The following IDH1 variants were observed in gnomAD, a reference collection of about 807,000 sequenced individuals.
IDH1 encodes the protein isocitrate dehydrogenase [NADP] cytoplasmic.
A neutral mutation model predicts 46.1 loss-of-function variants in IDH1; 33 were observed. That is an observed-to-expected ratio of 0.72 (90% CI 0.54 to 0.96). IDH1 has a LOEUF of 0.96. IDH1 is among the 40% of genes least tolerant of loss of function. The pLI, the probability that IDH1 is intolerant of heterozygous loss-of-function variation, is 0.00. For synonymous variants in IDH1, 144 were observed against 172.8 expected (o/e 0.83, Z 1.31); for missense variants, 421 against 515.7 (o/e 0.82, Z 1.78).
intron 2 of IDH1, among the ~76,000 whole-genome samples, chr2:208,252,370 G>C (rs1398678217): frequency 6.6e-6 from 1 of 152,184 alleles, no homozygotes; most frequent in Admixed American, 6.5e-5. Flanking sequence ...GAGTGGGATA[G>C]GACAAACTGT....
At position 208,239,111 on chromosome 2, in the gene IDH1, T is replaced by C. The variant is rs2124847273; in HGVS notation, c.1114A>G (p.Met372Val). The C allele has an allele frequency of 6.2e-7, 1 of 1,614,040 alleles. No homozygotes were observed. ...ATGCAAGCAGCCAAGTCCTTGGTCATGAAGCCAGCCTCAATTGTCTCAATA... is the reference window on the plus strand; with the variant it reads ...ATGCAAGCAGCCAAGTCCTTGGTCACGAAGCCAGCCTCAATTGTCTCAATA... ...VSIETIEAGF[M>V]TKDLAACIKG... Residue 372 changes from methionine (M) to valine (V), a missense_variant, in exon 9 of 10, where the codon ATG (methionine) becomes GTG (valine). By Grantham distance (21) the Met-to-Val change is conservative (BLOSUM62 1). Coordinates refer to ENST00000345146, the MANE Select transcript of IDH1 (RefSeq NM_005896.4).
rs1228832554 is a variant in IDH1 at position 208,248,490 on chromosome 2, G to T, written c.293C>A (p.Thr98Asn). 3.1e-6 allele frequency: 5 copies of T among 1,613,966 alleles called. No homozygotes were observed. The highest frequency in any genetic ancestry group is 3.4e-6 in the Non-Finnish European group (4 of 1,180,000). Residue 98 changes from threonine to asparagine, a missense_variant, in exon 4 of 10, where the codon ACC becomes AAC. Physicochemically the swap from Thr to Asn is moderately conservative, Grantham distance 65. Coordinates refer to ENST00000345146, the MANE Select transcript of IDH1 (RefSeq NM_005896.4). Reference protein sequence around the residue: ...LKQMWKSPNGTIRNILGGTVF... With the variant: ...LKQMWKSPNGNIRNILGGTVF... ...CGTGCCACCCAGAATATTTCGTATGGTGCCATTTGGTGATTTCCACATTTG... is the reference window on the plus strand; with the variant it reads ...CGTGCCACCCAGAATATTTCGTATGTTGCCATTTGGTGATTTCCACATTTG...
At chr2:208,240,627 G>A (rs1433612656) in intron 7 of IDH1, among the ~76,000 whole-genome samples, 3 of 151,968 alleles carry the variant, frequency 2.0e-5, no homozygotes, top group Non-Finnish European at 2.9e-5. Context: ...GCCCTTCCTC[G>A]CTCTCTTTCA....
chr2:208,237,186 A>G lies in IDH1; in HGVS notation c.1155-17T>C, dbSNP rs1270240389. 13 of 1,470,542 alleles carry G rather than the reference A, an allele frequency of 8.8e-6. No individual in the cohort carries two copies. The highest frequency in any genetic ancestry group is 1.2e-5 in the Non-Finnish European group (13 of 1,052,880). The allele number at this position is 1,470,542 out of a possible 1,614,324, so 91.1% of individuals were successfully genotyped here. A position where few individuals can be genotyped will look rare whatever the true frequency, so the allele number is the denominator to read the frequency against. The stretch of plus-strand genomic sequence containing the variant: ...CGTTGCACACTAACGGGAAGGAAAA[A>G]AAAAAGAAAATTTAGTTGGTCTCTG... On this transcript the variant is annotated splice_polypyrimidine_tract_variant and intron_variant, in intron 9 of 9. Transcript: ENST00000345146.
rs1447891340 is a variant in IDH1 at position 208,243,609 on chromosome 2, AGAG to A, written c.521-8_521-6del. ...CCATGGCAACACCACCACCTTCTGT[AGAG>A]GAGAAGCCAGTGAGAGGAAAAAAGG... is the stretch of plus-strand genomic sequence containing the variant. On this transcript the variant is annotated splice_polypyrimidine_tract_variant and splice_region_variant and intron_variant, in intron 5 of 9. Transcript: ENST00000345146. The A allele has an allele frequency of 4.3e-6, 7 of 1,611,964 alleles. No individual in the cohort carries two copies. Among genetic ancestry groups the A allele is most frequent in the Admixed American group, 3.3e-5 (2 of 60,010 alleles).
chr2:208,245,314 C>G lies in IDH1; in HGVS notation c.520+5G>C, dbSNP rs982772833. ...AAAAGAAGCTTATGCTACAGTCATACATACCTTCAAAGTTATGTACCAGGT... is the reference window on the plus strand; with the variant it reads ...AAAAGAAGCTTATGCTACAGTCATAGATACCTTCAAAGTTATGTACCAGGT... On this transcript the variant is annotated splice_donor_5th_base_variant and intron_variant, in intron 5 of 9. Coordinates refer to ENST00000345146, the MANE Select transcript of IDH1 (RefSeq NM_005896.4). 1 of 1,430,230 alleles carries G rather than the reference C, an allele frequency of 7.0e-7. No individual in the cohort carries two copies. The highest frequency in any genetic ancestry group is 9.9e-7 in the Non-Finnish European group (1 of 1,013,910). The allele number at this position is 1,430,230 out of a possible 1,614,324, so 88.6% of individuals were successfully genotyped here.
At chr2:208,238,779 T>C (rs1574401274) in intron 9 of IDH1, among the ~76,000 whole-genome samples, 1 of 152,220 alleles carries the variant, frequency 6.6e-6, no homozygotes, top group Admixed American at 6.5e-5. Context: ...TCGAGGCTGG[T>C]TTTGAACATA....
rs1170377110 is a variant in IDH1 at position 208,243,518 on chromosome 2, TAGAC to T, written c.603_606del (p.Ser202ArgfsTer7). ...GTGCTCAGATACAAAGGCCAACCCTTAGACAGAGCCATTTGGAAGGAACTGTGTG... is the reference window on the plus strand; with the variant it reads ...GTGCTCAGATACAAAGGCCAACCCTTAGAGCCATTTGGAAGGAACTGTGTG... On this transcript the variant is annotated frameshift_variant, in exon 6 of 10. Coordinates refer to ENST00000345146, the MANE Select transcript of IDH1 (RefSeq NM_005896.4). LOFTEE classifies it high-confidence loss of function. The T allele has an allele frequency of 7.4e-6, 12 of 1,613,730 alleles. No individual in the cohort carries two copies. The highest frequency in any genetic ancestry group is 3.3e-5 in the Admixed American group (2 of 60,004).
At chr2:208,241,911 A>G in intron 7 of IDH1, 83 bp downstream of exon 7, 3 of 1,390,728 alleles carry the variant, frequency 2.2e-6, no homozygotes, top group South Asian at 2.3e-5. Flanking sequence ...TTTTACAACA[A>G]AGGACTACAA....
chr2:208,237,392 G>A (rs1460939543), intron 9 of IDH1, among the ~76,000 whole-genome samples: 2 of 3,338 alleles, frequency 6.0e-4, no homozygotes, highest in Admixed American at 6.3e-3. Context: ...CGGCAGTAGA[G>A]ACAGCCATAC....
intron 3 of IDH1, 120 bp downstream of exon 3, chr2:208,251,310 C>T: frequency 1.0e-6 from 1 of 989,634 alleles, no homozygotes; most frequent in African/African-American, 1.6e-5. Flanking sequence ...ACTTGAATTC[C>T]TGGTCTTGAG....
At chr2:208,240,108 C>T (rs1024128477) in intron 7 of IDH1, 105 bp from the exon 8 acceptor site, 1 of 1,182,422 alleles carries the variant, frequency 8.5e-7, no homozygotes, top group Non-Finnish European at 1.2e-6. Flanking sequence ...TCTTGGTAAG[C>T]AAAGTAAACA....
chr2:208,236,763 C>A lies in IDH1; in HGVS notation c.*316G>T. The A allele has an allele frequency of 5.4e-6, 2 of 371,724 alleles. No individual in the cohort carries two copies. The highest frequency in any genetic ancestry group is 9.9e-6 in the Non-Finnish European group (2 of 202,764). The allele number at this position is 371,724 out of a possible 1,614,324, so 23.0% of individuals were successfully genotyped here. A position where few individuals can be genotyped will look rare whatever the true frequency, so the allele number is the denominator to read the frequency against. On this transcript the variant is annotated 3_prime_UTR_variant, in exon 10 of 10. Coordinates refer to ENST00000345146, the MANE Select transcript of IDH1 (RefSeq NM_005896.4). ...TGTGGCTATCATTTACCCTTTTGAGCAATCTTGATTTTGGTCATTTATAAT... is the reference window on the plus strand; with the variant it reads ...TGTGGCTATCATTTACCCTTTTGAGAAATCTTGATTTTGGTCATTTATAAT...
chr2:208,248,205 A>T (rs569519336), intron 4 of IDH1, 164 bp downstream of exon 4: 1 of 640,934 alleles, frequency 1.6e-6, no homozygotes, highest in South Asian at 1.9e-5. Flanking sequence ...CCTTTAGCTA[A>T]ATGTGTGTAA....
chr2:208,251,324 T>A (rs1574411350), intron 3 of IDH1, 106 bp downstream of exon 3: 1 of 1,165,626 alleles, frequency 8.6e-7, no homozygotes, highest in Admixed American at 1.8e-5. Context: ...TCTTGAGGGA[T>A]CCTCCTGCCT....
chr2:208,254,647 T>G (rs1688181980), intron 1 of IDH1, among the ~76,000 whole-genome samples: 1 of 152,230 alleles, frequency 6.6e-6, no homozygotes, highest in South Asian at 2.1e-4. Flanking sequence ...CCAACCCAAG[T>G]GCAGACCTGA....
chr2:208,245,435 G>A lies in IDH1; in HGVS notation c.415-11C>T, dbSNP rs2124857759. On this transcript the variant is annotated splice_polypyrimidine_tract_variant and intron_variant, in intron 4 of 9. Transcript: ENST00000345146. The stretch of plus-strand genomic sequence containing the variant: ...ATCAGTTGCTCTGTACTGTGTAGAG[G>A]GGAAAAAGGTATAAAGAAAAAAAAA... 1 of 1,479,242 alleles carries A rather than the reference G, an allele frequency of 6.8e-7. No individual in the cohort carries two copies. Among genetic ancestry groups the A allele is most frequent in the African/African-American group, 1.4e-5 (1 of 72,152 alleles). 91.6% of individuals were successfully genotyped at this position (1,479,242 alleles called of 1,614,324 possible).
intron 7 of IDH1, 30 bp from the exon 8 acceptor site, chr2:208,240,033 T>G: frequency 6.2e-7 from 1 of 1,613,384 alleles, no homozygotes; most frequent in Non-Finnish European, 8.5e-7. Context: ...AAGCGTTGGG[T>G]CCAACTGCAT....
chr2:208,237,649 G>A (rs1361126315), intron 9 of IDH1, among the ~76,000 whole-genome samples: 1 of 151,992 alleles, frequency 6.6e-6, no homozygotes, highest in African/African-American at 2.4e-5. Flanking sequence ...GGCCGGGCCT[G>A]GTGGCTCACG....
Sources: gnomAD v4.1 joint callset for allele counts (sites outside exome capture counted in the v4.1 genomes callset) on GRCh38, gnomAD v4.1.1 for gene constraint, MANE v1.5 for transcripts, NCBI Gene and HGNC (gene_info 2026-07-23, HGNC 2026-07-21) for gene names.